Variants in CSNK1G3 observed in about 807,000 individuals in gnomAD.
CSNK1G3 encodes the protein casein kinase I isoform gamma-3.
In CSNK1G3, 23 loss-of-function variants were observed where a neutral mutation model predicts 64.3. The observed-to-expected ratio is 0.36, with a 90% CI of 0.26 to 0.51. The LOEUF is 0.51. Ranked by LOEUF, CSNK1G3 falls within the 20% of genes least tolerant of loss-of-function variation. The pLI, the probability that CSNK1G3 is intolerant of heterozygous loss-of-function variation, is 0.96. For synonymous variants in CSNK1G3, 158 were observed against 162.2 expected (o/e 0.97, Z 0.20); for missense variants, 357 against 510.5 (o/e 0.70, Z 2.90).
rs139281022 is a variant in CSNK1G3, at chr5:123,577,948, T to C, written c.673+1985T>C. Reference sequence around the variant, plus strand: ...CACAACAGATGAGTTTTGCTGATTCTATTACTTAATATAAATAGAACCATC... The same window carrying C: ...CACAACAGATGAGTTTTGCTGATTCCATTACTTAATATAAATAGAACCATC... On this transcript the variant is annotated intron_variant, in intron 6 of 12. Transcript: ENST00000345990. 5.8e-3 allele frequency among the ~76,000 whole-genome samples: 888 copies of C among 152,088 alleles called. 10 individuals are homozygous for C. Among genetic ancestry groups the C allele is most frequent in the African/African-American group, 0.02 (833 of 41,562 alleles).
At chr5:123,536,920 A>G (rs1258933406) in intron 1 of CSNK1G3, among the ~76,000 whole-genome samples, 1 of 152,176 alleles carries the variant, frequency 6.6e-6, no homozygotes, top group African/African-American at 2.4e-5. Flanking sequence ...GACTGTTACT[A>G]AAAAGACAAA....
At chr5:123,527,610 C>G (rs1580903923) in intron 1 of CSNK1G3, among the ~76,000 whole-genome samples, 1 of 152,050 alleles carries the variant, frequency 6.6e-6, no homozygotes, top group Admixed American at 6.6e-5. Context: ...AAATTTGTGG[C>G]CTTTGCATAT....
intron 10 of CSNK1G3, among the ~76,000 whole-genome samples, chr5:123,603,685 G>A (rs1295621606): frequency 2.6e-5 from 4 of 152,096 alleles, no homozygotes; most frequent in African/African-American, 4.8e-5. Context: ...CAGAGATGCT[G>A]TTTGAGAATC....
intron 12 of CSNK1G3, among the ~76,000 whole-genome samples, chr5:123,611,616 T>C (rs966965609): frequency 2.8e-4 from 43 of 152,346 alleles, no homozygotes; most frequent in African/African-American, 1.0e-3. Flanking sequence ...TTTGGGACTT[T>C]GTCTTGTTCA....
intron 1 of CSNK1G3, among the ~76,000 whole-genome samples, chr5:123,536,167 A>G (rs1287359899): frequency 6.6e-6 from 1 of 152,160 alleles, no homozygotes; most frequent in Non-Finnish European, 1.5e-5. Context: ...ATGCACAAGC[A>G]TTAAAAGCTT....
At chr5:123,582,334 T>C (rs1419753269) in intron 6 of CSNK1G3, among the ~76,000 whole-genome samples, 1 of 152,176 alleles carries the variant, frequency 6.6e-6, no homozygotes, top group Non-Finnish European at 1.5e-5. Flanking sequence ...GCTGAAATCT[T>C]GCCCTCCACT....
At chr5:123,598,464 G>A (rs1487731000) in intron 10 of CSNK1G3, among the ~76,000 whole-genome samples, 2 of 152,262 alleles carry the variant, frequency 1.3e-5, no homozygotes, top group South Asian at 2.1e-4. Context: ...GATACGAAAA[G>A]CACCTAACCT....
At chr5:123,522,393 C>T (rs1454989784) in intron 1 of CSNK1G3, among the ~76,000 whole-genome samples, 1 of 151,886 alleles carries the variant, frequency 6.6e-6, no homozygotes, top group Non-Finnish European at 1.5e-5. Context: ...GTCCCAGCTA[C>T]TTGGGAGACT....
chr5:123,585,152 T>C (rs1021361956), intron 6 of CSNK1G3, among the ~76,000 whole-genome samples: 18 of 152,124 alleles, frequency 1.2e-4, no homozygotes, highest in African/African-American at 4.1e-4. Context: ...GAGTCTGAAA[T>C]AGACTTATAC....
chr5:123,572,628 T>C (rs963554549), intron 4 of CSNK1G3, among the ~76,000 whole-genome samples: 1 of 152,186 alleles, frequency 6.6e-6, no homozygotes, highest in African/African-American at 2.4e-5. Context: ...CAGAATTCAA[T>C]TCCTCATGGC....
chr5:123,532,413 T>C (rs1172077279), intron 1 of CSNK1G3, among the ~76,000 whole-genome samples: 1 of 151,932 alleles, frequency 6.6e-6, no homozygotes, highest in Admixed American at 6.6e-5. Context: ...GTGCTGATAT[T>C]ACTTAAGTTT....
At chr5:123,567,079 A>G (rs1561535218) in intron 4 of CSNK1G3, among the ~76,000 whole-genome samples, 1 of 152,218 alleles carries the variant, frequency 6.6e-6, no homozygotes, top group Non-Finnish European at 1.5e-5. Context: ...TGAAAGGCAC[A>G]TCTCACTGGC....
chr5:123,569,759 A>G (rs997023836), intron 4 of CSNK1G3, among the ~76,000 whole-genome samples: 2 of 151,444 alleles, frequency 1.3e-5, no homozygotes, highest in South Asian at 2.1e-4. Flanking sequence ...TTATTTATTT[A>G]TTTGTTTTGC....
intron 10 of CSNK1G3, among the ~76,000 whole-genome samples, chr5:123,595,425 A>T (rs569814840): frequency 6.6e-6 from 1 of 152,298 alleles, no homozygotes; most frequent in East Asian, 1.9e-4. Context: ...TGAAATAGGT[A>T]TTAAACTTGA....
chr5:123,522,684 A>G (rs1279228557), intron 1 of CSNK1G3, among the ~76,000 whole-genome samples: 2 of 152,140 alleles, frequency 1.3e-5, no homozygotes, highest in African/African-American at 4.8e-5. Context: ...TGTTTAGGGA[A>G]TAATGATAAA....
chr5:123,563,357 AT>A (rs1283922909), intron 4 of CSNK1G3, among the ~76,000 whole-genome samples: 1 of 152,050 alleles, frequency 6.6e-6, no homozygotes, highest in African/African-American at 2.4e-5. Context: ...TGTTACTGAA[AT>A]TATAACTCTT....
chr5:123,559,827 A>C (rs574097968), intron 4 of CSNK1G3, among the ~76,000 whole-genome samples: 1 of 151,332 alleles, frequency 6.6e-6, no homozygotes, highest in Non-Finnish European at 1.5e-5. Flanking sequence ...AAACAGTTTG[A>C]TTTTGGAATT....
At chr5:123,591,482 G>A (rs1156792264) in intron 10 of CSNK1G3, 68 bp downstream of exon 10, 16 of 900,852 alleles carry the variant, frequency 1.8e-5, no homozygotes, top group Non-Finnish European at 6.8e-6. Flanking sequence ...TTCTTCAATA[G>A]ATAAAACAGA....
chr5:123,582,938 A>G (rs901152171), intron 6 of CSNK1G3, among the ~76,000 whole-genome samples: 1 of 152,218 alleles, frequency 6.6e-6, no homozygotes, highest in Non-Finnish European at 1.5e-5. Context: ...GGTAAAGAGC[A>G]TTTCAGACTG....
Sources: allele counts gnomAD v4.1 joint callset (sites outside exome capture counted in the v4.1 genomes callset), GRCh38; gene constraint gnomAD v4.1.1; transcripts MANE v1.5; gene names NCBI Gene and HGNC (gene_info 2026-07-23, HGNC 2026-07-21).